The following LRCH1 variants were observed in gnomAD, a reference collection of about 807,000 sequenced individuals.
LRCH1 encodes leucine rich repeats and calponin homology domain containing 1.
In LRCH1, 23 loss-of-function variants were observed where a neutral mutation model predicts 94.9. The observed-to-expected ratio is 0.24, with a 90% CI of 0.17 to 0.34. The LOEUF (loss-of-function observed/expected upper bound fraction) is 0.34, where lower values mean the gene tolerates loss of function less well. Ranked by LOEUF, LRCH1 falls within the 10% of genes least tolerant of loss-of-function variation. The pLI is 1.00. For missense variants in LRCH1, 790 were observed against 945.9 expected, an observed-to-expected ratio of 0.84 and a Z score of 2.16; for synonymous variants, 364 against 354.9, an observed-to-expected ratio of 1.03 and a Z score of -0.29.
intron 4 of LRCH1, among the ~76,000 whole-genome samples, chr13:46,683,536 A>G (rs923433260): frequency 2.0e-5 from 3 of 152,206 alleles, no homozygotes; most frequent in Admixed American, 1.3e-4. Flanking sequence ...TATGCATACA[A>G]CCTTTTATGA....
In LRCH1 at chr13:46,723,325, C is replaced by A; in HGVS notation, c.1864C>A (p.Arg622Ser). 1 of 1,590,858 alleles carries A rather than the reference C, an allele frequency of 6.3e-7. No homozygotes were observed. Among genetic ancestry groups the A allele is most frequent in the Non-Finnish European group, 8.6e-7 (1 of 1,160,222 alleles). ...REEKELVEQL[R>S]ESIEMRLKVS... ...AGAGAAAGAGCTGGTGGAACAACTT[C>A]GTGAGGTACCCAAGAAATATTATGT... Residue 622 changes from arginine to serine, a missense_variant, in exon 17 of 20, where the codon CGT (arginine) becomes AGT (serine). By Grantham distance (110) the Arg-to-Ser change is moderately radical. Coordinates refer to ENST00000389797, the MANE Select transcript of LRCH1 (RefSeq NM_001164211.2).
rs115423850 is a variant in LRCH1, at chr13:46,624,997, A to G, written c.308-25204A>G. Among the ~76,000 whole-genome samples the G allele has an allele frequency of 5.0e-3, 765 of 152,332 alleles. 4 individuals carry two copies. Among genetic ancestry groups the G allele is most frequent in the African/African-American group, 0.018 (729 of 41,576 alleles). ...TGCATCCTCAGGGTTCTGTTTACAG[A>G]GACCCTTAACAGTCTATTCAGCCTT... On this transcript the variant is annotated intron_variant, in intron 1 of 19. Coordinates refer to ENST00000389797, the MANE Select transcript of LRCH1 (RefSeq NM_001164211.2).
intron 1 of LRCH1, among the ~76,000 whole-genome samples, chr13:46,648,432 AT>A (rs1172369908): frequency 6.6e-6 from 1 of 152,132 alleles, no homozygotes; most frequent in Non-Finnish European, 1.5e-5. Context: ...CATCTTAGTA[AT>A]TCATGCCATT....
At chr13:46,725,676 TG>T (rs1453693551) in intron 17 of LRCH1, among the ~76,000 whole-genome samples, 1 of 152,228 alleles carries the variant, frequency 6.6e-6, no homozygotes, top group East Asian at 1.9e-4. Flanking sequence ...ACTTTTTATA[TG>T]GTTTAGCAAA....
intron 5 of LRCH1, among the ~76,000 whole-genome samples, chr13:46,686,414 G>T (rs1372451586): frequency 1.3e-5 from 2 of 152,186 alleles, no homozygotes; most frequent in Admixed American, 6.5e-5. Flanking sequence ...CGTGGGGCAG[G>T]ACCCTCTTTG....
Position 46,697,856 on chromosome 13 carries a change from G to C in LRCH1, c.1246-1480G>C, listed in dbSNP as rs553400961. Among the ~76,000 whole-genome samples the C allele has an allele frequency of 1.5e-3, 215 of 138,722 alleles. 1 individual carries two copies. Among genetic ancestry groups the C allele is most frequent in the Middle Eastern group, 0.011 (3 of 278 alleles). The allele number at this position is 138,722 out of a possible 152,430, so 91.0% of individuals were successfully genotyped here. ...CATTTAGCTTAGCAAAAGCAACCCA[G>C]TACGCCTGTTTTGCCTAATGAAAAA... On this transcript the variant is annotated intron_variant, in intron 9 of 19. Coordinates refer to ENST00000389797, the MANE Select transcript of LRCH1 (RefSeq NM_001164211.2).
At position 46,716,918 on chromosome 13, in the gene LRCH1, T is replaced by C. The variant is rs527422653; in HGVS notation, c.1759+1254T>C. Among the ~76,000 whole-genome samples the C allele has an allele frequency of 4.6e-5, 7 of 151,924 alleles. No individual in the cohort carries two copies. In the East Asian group the frequency reaches 9.6e-4, roughly 21 times the overall value. Reference sequence around the variant, plus strand: ...TTTACTTAAGTTTTTTTTTTTCTAATGGAGGGGAGGCATTTTTGTTTTTCA... The same window carrying C: ...TTTACTTAAGTTTTTTTTTTTCTAACGGAGGGGAGGCATTTTTGTTTTTCA... On this transcript the variant is annotated intron_variant, in intron 16 of 19. Transcript: ENST00000389797.
chr13:46,631,467 T>C (rs1489363900), intron 1 of LRCH1, among the ~76,000 whole-genome samples: 1 of 152,224 alleles, frequency 6.6e-6, no homozygotes, highest in Non-Finnish European at 1.5e-5. Flanking sequence ...GTCTATAAAA[T>C]AGCACTTTGG....
chr13:46,651,787 G>T (rs569459353), intron 2 of LRCH1, among the ~76,000 whole-genome samples: 1 of 144,078 alleles, frequency 6.9e-6, no homozygotes, highest in East Asian at 2.2e-4. Flanking sequence ...TGCAAGCTCC[G>T]CCTCCCGGGT....
At chr13:46,723,143 A>G (rs139443374) in intron 16 of LRCH1, 78 bp from the exon 17 acceptor site, 1 of 715,372 alleles carries the variant, frequency 1.4e-6, no homozygotes, top group African/African-American at 1.8e-5. Flanking sequence ...ACAAATTAAA[A>G]TACTGTTTGA....
chr13:46,706,324 A>G (rs914339763), intron 13 of LRCH1, among the ~76,000 whole-genome samples: 2 of 152,198 alleles, frequency 1.3e-5, no homozygotes, highest in African/African-American at 4.8e-5. Flanking sequence ...GATTCAGAAA[A>G]TGTCACATAA....
intron 1 of LRCH1, among the ~76,000 whole-genome samples, chr13:46,571,576 G>A (rs2050241227): frequency 6.6e-6 from 1 of 152,186 alleles, no homozygotes; most frequent in African/African-American, 2.4e-5. Context: ...CTCCCAGAAT[G>A]ATGAAATGCC....
chr13:46,748,612 C>T (rs7990115), downstream of LRCH1, among the ~76,000 whole-genome samples: 8,345 of 152,188 alleles, frequency 0.055, 725 homozygotes, highest in African/African-American at 0.19. Context: ...AAAGGAGGCA[C>T]CATTGTTAAC....
intron 1 of LRCH1, among the ~76,000 whole-genome samples, chr13:46,605,394 T>C (rs918933349): frequency 3.9e-5 from 6 of 152,234 alleles, no homozygotes; most frequent in Non-Finnish European, 7.3e-5. Flanking sequence ...TATCCGTTCA[T>C]ATCCACTTTG....
At chr13:46,619,064 TTTC>T (rs2050847124) in intron 1 of LRCH1, among the ~76,000 whole-genome samples, 1 of 114,652 alleles carries the variant, frequency 8.7e-6, no homozygotes, top group Non-Finnish European at 1.7e-5. Flanking sequence ...TCTTTTCTTT[TTTC>T]CTTCCTTCCT....
intron 17 of LRCH1, among the ~76,000 whole-genome samples, chr13:46,727,039 T>C (rs1872856289): frequency 6.6e-6 from 1 of 152,088 alleles, no homozygotes; most frequent in Admixed American, 6.6e-5. Flanking sequence ...ATCACTGATA[T>C]AGCAGAGATG....
intron 18 of LRCH1, among the ~76,000 whole-genome samples, chr13:46,733,278 C>T (rs916649062): frequency 6.6e-6 from 1 of 152,144 alleles, no homozygotes; most frequent in Non-Finnish European, 1.5e-5. Context: ...CCTCAGAGGC[C>T]ATCTATAACC....
rs759546899 is a variant in LRCH1, at chr13:46,711,841, T to C, written c.1578T>C (p.Asn526=). Residue 526 remains asparagine, a synonymous_variant, in exon 14 of 20, where the codon AAT becomes AAC. Coordinates refer to ENST00000389797, the MANE Select transcript of LRCH1 (RefSeq NM_001164211.2). ...LQSNGSQYSP[N]EIRENSPAVS... is the part of the protein sequence containing the mutation. The stretch of plus-strand genomic sequence containing the variant: ...GTAACGGGAGCCAGTATTCTCCAAA[T>C]GAGGTAAGTTTCTTGAAGATTAATG... 20 of 1,612,234 alleles carry C rather than the reference T, an allele frequency of 1.2e-5. No homozygotes were observed. In the African/African-American group the frequency reaches 2.4e-4, roughly 19 times the overall value.
In LRCH1 at chr13:46,599,347, T is replaced by G. The variant is rs74428216; in HGVS notation, c.307+45644T>G. On this transcript the variant is annotated intron_variant, in intron 1 of 19. Coordinates refer to ENST00000389797, the MANE Select transcript of LRCH1 (RefSeq NM_001164211.2). ...TTTGAGACCCTGTTTTCAATTTTTTTTTGTTGTTGTATACTCAGAAGTAGA... is the reference window on the plus strand; with the variant it reads ...TTTGAGACCCTGTTTTCAATTTTTTGTTGTTGTTGTATACTCAGAAGTAGA... Among the ~76,000 whole-genome samples the G allele has an allele frequency of 2.2e-3, 334 of 152,344 alleles. 3 individuals are homozygous for G. The highest frequency in any genetic ancestry group is 0.011 in the South Asian group (52 of 4,828).
Sources: allele counts gnomAD v4.1 joint callset (sites outside exome capture counted in the v4.1 genomes callset), GRCh38; gene constraint gnomAD v4.1.1; transcripts MANE v1.5; gene names NCBI Gene and HGNC (gene_info 2026-07-23, HGNC 2026-07-21).